Variants in PMFBP1 observed in about 807,000 individuals in gnomAD.
PMFBP1 encodes polyamine-modulated factor 1-binding protein 1.
Under a neutral mutation model 137.8 loss-of-function variants are expected in PMFBP1, and 131 were observed. That is an observed-to-expected ratio of 0.95 (90% confidence interval 0.82 to 1.10). The LOEUF is 1.10. Among genes scored for constraint, PMFBP1 ranks in the 50% least tolerant of loss-of-function variants. The pLI is 0.00. For missense variants in PMFBP1, 1,199 were observed against 1,175.4 expected (o/e 1.02, Z -0.29); for synonymous variants, 490 against 450.4 (o/e 1.09, Z -1.11).
At chr16:72,241,215 A>C in the PMFBP1 span, among the ~76,000 whole-genome samples, 3 of 152,154 alleles carry the variant, frequency 2.0e-5, no homozygotes, top group Non-Finnish European at 4.4e-5. Context: ...AACAGCCATG[A>C]AAACCCTCAT....
chr16:72,123,149 C>T (rs1200356831), intron 18 of PMFBP1, among the ~76,000 whole-genome samples, 161 bp from the exon 19 acceptor site: 2 of 152,266 alleles, frequency 1.3e-5, no homozygotes, highest in East Asian at 3.9e-4. Flanking sequence ...TTCCTAGCAC[C>T]TGGGGATTCA....
Position 72,122,915 on chromosome 16 carries a change from C to T in PMFBP1, c.2767G>A (p.Asp923Asn), listed in dbSNP as rs771877703. The T allele has an allele frequency of 6.2e-7, 1 of 1,612,984 alleles. No homozygotes were observed. Among genetic ancestry groups the T allele is most frequent in the Non-Finnish European group, 8.5e-7 (1 of 1,179,784 alleles). Reference sequence around the variant, plus strand: ...CCAGGGTGGTTTAAGATGACTTACTCCTTTTCGCCACTCAGCTTGGCAATG... The same window carrying T: ...CCAGGGTGGTTTAAGATGACTTACTTCTTTTCGCCACTCAGCTTGGCAATG... ...KYIAKLSGEK[D>N]HLHSVMVHLQ... Residue 923 changes from aspartate (D) to asparagine (N), a missense_variant and splice_region_variant, in exon 19 of 21, where the codon GAC becomes AAC. By Grantham distance (23) the Asp-to-Asn change is conservative. Transcript: ENST00000237353.
At position 72,126,138 on chromosome 16, in the gene PMFBP1, A is replaced by C; in HGVS notation, c.2089-6T>G. On this transcript the variant is annotated splice_region_variant and splice_polypyrimidine_tract_variant and intron_variant, in intron 14 of 20. Coordinates refer to ENST00000237353, the MANE Select transcript of PMFBP1 (RefSeq NM_031293.3). ...GACTCCTTCTGAAGGGCTATCTTTA[A>C]GGAGGGAGAGCAGAACTGTCAGGGT... The C allele has an allele frequency of 6.2e-7, 1 of 1,613,718 alleles. No individual in the cohort carries two copies. Among genetic ancestry groups the C allele is most frequent in the Non-Finnish European group, 8.5e-7 (1 of 1,179,844 alleles).
Position 72,136,569 on chromosome 16 carries a change from C to A in PMFBP1, c.1082G>T (p.Arg361Leu), listed in dbSNP as rs912800401. The A allele has an allele frequency of 5.0e-6, 8 of 1,613,910 alleles. No homozygotes were observed. In the South Asian group the frequency reaches 7.7e-5, roughly 16 times the overall value. Reference protein sequence around the residue: ...MKLELDLHGLREETSAHIERK... With the variant: ...MKLELDLHGLLEETSAHIERK... ...CTCAATGTGGGCAGATGTCTCCTCC[C>A]GCAGTCCGTGCAGGTCCAGCTCCAG... Residue 361 changes from arginine (R) to leucine (L), a missense_variant, in exon 9 of 21, where the codon CGG becomes CTG. By Grantham distance (102) the Arg-to-Leu change is moderately radical. Transcript: ENST00000237353.
chr16:72,212,090 T>C, the PMFBP1 span, among the ~76,000 whole-genome samples: 1 of 151,990 alleles, frequency 6.6e-6, no homozygotes, highest in African/African-American at 2.4e-5. Flanking sequence ...CAAGATGTAA[T>C]AGAAAATAGG....
the PMFBP1 span, among the ~76,000 whole-genome samples, chr16:72,184,251 T>A: frequency 6.6e-6 from 1 of 152,140 alleles, no homozygotes. Context: ...TCAGTTATCA[T>A]CCATATCAGG....
chr16:72,122,991 G>T lies in PMFBP1; in HGVS notation c.2694-3C>A. 6.2e-7 allele frequency: 1 copy of T among 1,612,092 alleles called. No homozygotes were observed. Among genetic ancestry groups the T allele is most frequent in the Non-Finnish European group, 8.5e-7 (1 of 1,179,594 alleles). Reference sequence around the variant, plus strand: ...TTCCTAGTTTCTCATTGGCGACCCTGTAATAAAATCACAGGAGAAAACAGC... The same window carrying T: ...TTCCTAGTTTCTCATTGGCGACCCTTTAATAAAATCACAGGAGAAAACAGC... On this transcript the variant is annotated splice_polypyrimidine_tract_variant and splice_region_variant and intron_variant, in intron 18 of 20. Transcript: ENST00000237353.
At position 72,164,902 on chromosome 16, in the gene PMFBP1, G is replaced by A. The variant is rs766775363; in HGVS notation, c.27C>T (p.Asp9=). The change falls in exon 3 of 21, where the codon GAC becomes GAT. Residue 9 remains aspartate (D), a synonymous_variant. Coordinates refer to ENST00000237353, the MANE Select transcript of PMFBP1 (RefSeq NM_031293.3). The stretch of plus-strand genomic sequence containing the variant: ...TGCTGTTCAGGCTGCTCACTTCTCT[G>A]TCTCTCTCCCCCGCCTAGGCAGCCA... MKDEAGER[D]REVSSLNSKL... 7.5e-6 allele frequency: 12 copies of A among 1,593,464 alleles called. No individual in the cohort carries two copies. The South Asian group carries it at 1.3e-4, about 18-fold the overall frequency.
chr16:72,179,187 G>A (rs1302743560), upstream of PMFBP1, among the ~76,000 whole-genome samples: 1 of 152,184 alleles, frequency 6.6e-6, no homozygotes, highest in Non-Finnish European at 1.5e-5. Flanking sequence ...CTGCTCTCCA[G>A]CAGGAGAAGG....
chr16:72,205,581 T>C, the PMFBP1 span, among the ~76,000 whole-genome samples: 2 of 152,178 alleles, frequency 1.3e-5, no homozygotes, highest in African/African-American at 4.8e-5. Flanking sequence ...CAAAAGGGTA[T>C]GATGCCAGGA....
chr16:72,226,834 C>T, the PMFBP1 span, among the ~76,000 whole-genome samples: 3 of 152,132 alleles, frequency 2.0e-5, no homozygotes. Flanking sequence ...AGTTCCTTAA[C>T]CCCTTGATCT....
chr16:72,194,243 T>C, the PMFBP1 span, among the ~76,000 whole-genome samples: 11 of 152,328 alleles, frequency 7.2e-5, no homozygotes, highest in African/African-American at 2.6e-4. Context: ...GCTCCCTTTC[T>C]TTATTTTTCT....
the PMFBP1 span, among the ~76,000 whole-genome samples, chr16:72,240,934 AG>A: frequency 6.6e-6 from 1 of 151,442 alleles, no homozygotes; most frequent in African/African-American, 2.4e-5. Context: ...AGAGAGAGAC[AG>A]GGAGAGCGTG....
chr16:72,196,920 G>T, the PMFBP1 span, among the ~76,000 whole-genome samples: 2 of 152,234 alleles, frequency 1.3e-5, no homozygotes, highest in Non-Finnish European at 2.9e-5. Context: ...CAAGTGCAGT[G>T]TGACTTACAT....
rs2042945477 is a variant in PMFBP1, at chr16:72,154,098, C to T, written c.414+113G>A. ...AAAGGGGGAAGGTTTATAAAACCTGCTCGGGATGTTGCAAAGCTCTCCTAA... is the reference window on the plus strand; with the variant it reads ...AAAGGGGGAAGGTTTATAAAACCTGTTCGGGATGTTGCAAAGCTCTCCTAA... On this transcript the variant is annotated intron_variant, in intron 4 of 20. Coordinates refer to ENST00000237353, the MANE Select transcript of PMFBP1 (RefSeq NM_031293.3). 6.5e-6 allele frequency: 9 copies of T among 1,393,064 alleles called. No homozygotes were observed. In the Admixed American group the frequency reaches 8.8e-5, roughly 14 times the overall value. 86.3% of individuals were successfully genotyped at this position (1,393,064 alleles called of 1,614,324 possible). A position where few individuals can be genotyped will look rare whatever the true frequency, so the allele number is the denominator to read the frequency against.
upstream of PMFBP1, among the ~76,000 whole-genome samples, chr16:72,180,006 T>C (rs1174636120): frequency 6.6e-6 from 1 of 152,148 alleles, no homozygotes; most frequent in Non-Finnish European, 1.5e-5. Flanking sequence ...CAGATACCTA[T>C]CCTTGCATGC....
chr16:72,186,400 G>C, the PMFBP1 span, among the ~76,000 whole-genome samples: 3 of 152,172 alleles, frequency 2.0e-5, no homozygotes, highest in Non-Finnish European at 2.9e-5. Flanking sequence ...GATTCTGACA[G>C]ATGAAGATGG....
In PMFBP1 at chr16:72,140,579, G is replaced by A. The variant is rs746777445; in HGVS notation, c.640C>T (p.Pro214Ser). ...GELGGIMGQE[P>S]ENKGDHSKVR... The stretch of plus-strand genomic sequence containing the variant: ...TTTGAATGATCACCCTTGTTCTCAG[G>A]CTCCTGAGAGATTTAAAAATAATGG... The change falls in exon 6 of 21, where the codon CCT becomes TCT. Residue 214 changes from proline (P) to serine (S), a missense_variant. Transcript: ENST00000237353. 1 of 1,609,900 alleles carries A rather than the reference G, an allele frequency of 6.2e-7. No individual in the cohort carries two copies. The highest frequency in any genetic ancestry group is 1.1e-5 in the South Asian group (1 of 90,704).
At chr16:72,129,385 A>G (rs980652051) in intron 12 of PMFBP1, 152 bp from the exon 13 acceptor site, 1 of 835,518 alleles carries the variant, frequency 1.2e-6, no homozygotes, top group Non-Finnish European at 1.7e-6. Context: ...GTTTCCTCCA[A>G]CGCCTGTAAC....
Sources: gnomAD v4.1 joint callset for allele counts (sites outside exome capture counted in the v4.1 genomes callset) on GRCh38, gnomAD v4.1.1 for gene constraint, MANE v1.5 for transcripts, NCBI Gene and HGNC (gene_info 2026-07-23, HGNC 2026-07-21) for gene names.